The following EXOC4 variants were observed in gnomAD, a reference collection of about 807,000 sequenced individuals.
EXOC4 encodes exocyst complex component 4, also known as SEC8-like 1.
Under a neutral mutation model 107.2 loss-of-function variants are expected in EXOC4, and 71 were observed. The observed-to-expected ratio is 0.66, with a 90% CI of 0.55 to 0.81. EXOC4 has a LOEUF of 0.81. Ranked by LOEUF, EXOC4 falls within the 30% of genes least tolerant of loss-of-function variation. EXOC4 has a pLI of 0.00. For synonymous variants in EXOC4, 456 were observed against 441.2 expected (o/e 1.03, Z -0.42); for missense variants, 1,108 against 1,189.6 (o/e 0.93, Z 1.01).
chr7:133,924,845 G>A lies in EXOC4; in HGVS notation c.2027+7107G>A, dbSNP rs114826136. Among the ~76,000 whole-genome samples the A allele has an allele frequency of 2.4e-3, 365 of 152,326 alleles. 5 individuals carry two copies. Among genetic ancestry groups the A allele is most frequent in the African/African-American group, 8.2e-3 (341 of 41,588 alleles). ...CATTATGCCTAAAGGATTTATCCAT[G>A]TTTTTGCATGTAGAGATGGCTTGAA... On this transcript the variant is annotated intron_variant, in intron 13 of 17. Transcript: ENST00000253861.
chr7:133,810,481 A>G (rs1797195096), intron 10 of EXOC4, among the ~76,000 whole-genome samples: 1 of 152,178 alleles, frequency 6.6e-6, no homozygotes, highest in South Asian at 2.1e-4. Context: ...ATTCAACAAC[A>G]CAGGTATTGC....
intron 9 of EXOC4, among the ~76,000 whole-genome samples, chr7:133,605,425 G>A (rs896570081): frequency 2.6e-5 from 4 of 151,940 alleles, no homozygotes; most frequent in Admixed American, 6.6e-5. Context: ...TCCCACAGCC[G>A]CTGGCAACCA....
chr7:133,669,214 G>C (rs1052563938), intron 10 of EXOC4, among the ~76,000 whole-genome samples: 2 of 152,028 alleles, frequency 1.3e-5, no homozygotes, highest in African/African-American at 4.8e-5. Context: ...GCCAAATCGA[G>C]CTGTCTCTGG....
At chr7:134,071,957 C>G in the EXOC4 span, among the ~76,000 whole-genome samples, 1 of 152,230 alleles carries the variant, frequency 6.6e-6, no homozygotes, top group Non-Finnish European at 1.5e-5. Flanking sequence ...TAACCTCCAG[C>G]AGGAACCATT....
chr7:133,982,541 G>A (rs908955252), intron 14 of EXOC4, among the ~76,000 whole-genome samples: 2 of 152,146 alleles, frequency 1.3e-5, no homozygotes, highest in Non-Finnish European at 2.9e-5. Flanking sequence ...GACAGAGTGA[G>A]ACTCTGTCTC....
intron 7 of EXOC4, among the ~76,000 whole-genome samples, chr7:133,425,281 A>G (rs1350342491): frequency 1.3e-5 from 2 of 152,212 alleles, no homozygotes; most frequent in Middle Eastern, 6.8e-3. Flanking sequence ...TCCTCAGCCA[A>G]GACACTTTTT....
chr7:133,338,486 G>A (rs1260712546), intron 5 of EXOC4, among the ~76,000 whole-genome samples: 6 of 148,190 alleles, frequency 4.0e-5, no homozygotes, highest in Non-Finnish European at 7.4e-5. Flanking sequence ...CCAGCTACTC[G>A]GGAGGCTGAG....
At chr7:133,411,890 G>A (rs1449806159) in intron 7 of EXOC4, among the ~76,000 whole-genome samples, 2 of 152,084 alleles carry the variant, frequency 1.3e-5, no homozygotes, top group African/African-American at 2.4e-5. Context: ...TGGTACTCAC[G>A]CAGTGTTGTT....
intron 9 of EXOC4, among the ~76,000 whole-genome samples, chr7:133,598,537 A>G (rs886845609): frequency 6.6e-6 from 1 of 152,172 alleles, no homozygotes; most frequent in Non-Finnish European, 1.5e-5. Context: ...AAAAACTGAC[A>G]CTTGATTCAG....
chr7:133,670,642 T>C (rs1793925284), intron 10 of EXOC4, among the ~76,000 whole-genome samples: 1 of 152,148 alleles, frequency 6.6e-6, no homozygotes, highest in Non-Finnish European at 1.5e-5. Flanking sequence ...CTCCTGAATG[T>C]TTGTTTGTGT....
intron 9 of EXOC4, among the ~76,000 whole-genome samples, chr7:133,599,809 T>C (rs1208410014): frequency 2.0e-5 from 3 of 152,056 alleles, no homozygotes; most frequent in African/African-American, 7.2e-5. Flanking sequence ...TACAAACTCA[T>C]GTCCACCTTG....
intron 9 of EXOC4, among the ~76,000 whole-genome samples, chr7:133,572,334 C>A (rs1054042256): frequency 6.6e-6 from 1 of 151,954 alleles, no homozygotes; most frequent in African/African-American, 2.4e-5. Context: ...CCAAGGCAAA[C>A]AGTAAATCTG....
intron 7 of EXOC4, among the ~76,000 whole-genome samples, chr7:133,398,346 A>T (rs1391055316): frequency 6.6e-6 from 1 of 152,206 alleles, no homozygotes; most frequent in Non-Finnish European, 1.5e-5. Context: ...AATAAATATT[A>T]ATACCAGTAT....
chr7:133,254,919 A>G (rs1225818083), intron 1 of EXOC4, among the ~76,000 whole-genome samples: 6 of 152,106 alleles, frequency 3.9e-5, no homozygotes, highest in Non-Finnish European at 8.8e-5. Flanking sequence ...TCTAAATGTC[A>G]TATTTTTGAA....
intron 7 of EXOC4, among the ~76,000 whole-genome samples, chr7:133,406,877 A>G (rs564696271): frequency 6.6e-6 from 1 of 152,302 alleles, no homozygotes; most frequent in Non-Finnish European, 1.5e-5. Context: ...GTGAGAGGGG[A>G]CAGTCCATTG....
the EXOC4 span, among the ~76,000 whole-genome samples, chr7:134,074,246 A>C: frequency 3.3e-5 from 5 of 152,244 alleles, no homozygotes; most frequent in African/African-American, 1.2e-4. Context: ...CTGGGCCTAG[A>C]CCTTTCAAAA....
intron 11 of EXOC4, 82 bp from the exon 12 acceptor site, chr7:133,895,517 A>G (rs988665330): frequency 2.0e-5 from 28 of 1,387,558 alleles, no homozygotes; most frequent in Middle Eastern, 1.8e-4. Context: ...ACCTTAAATT[A>G]TGACATACTT....
At chr7:134,078,419 A>G in the EXOC4 span, among the ~76,000 whole-genome samples, 1 of 152,128 alleles carries the variant, frequency 6.6e-6, no homozygotes, top group Non-Finnish European at 1.5e-5. Context: ...GTTGCCACAC[A>G]TCCCTGCTCC....
At chr7:133,539,631 A>C (rs1465647491) in intron 9 of EXOC4, among the ~76,000 whole-genome samples, 4 of 152,084 alleles carry the variant, frequency 2.6e-5, no homozygotes, top group Admixed American at 2.6e-4. Context: ...GCTAACTATA[A>C]AATCAATGTA....
Sources: gnomAD v4.1 joint callset for allele counts (sites outside exome capture counted in the v4.1 genomes callset) on GRCh38, gnomAD v4.1.1 for gene constraint, MANE v1.5 for transcripts, NCBI Gene and HGNC (gene_info 2026-07-23, HGNC 2026-07-21) for gene names.